Variants in GABRA4 observed in about 807,000 individuals in gnomAD.
GABRA4 encodes the protein gamma-aminobutyric acid receptor subunit alpha-4.
A neutral mutation model predicts 49.7 loss-of-function variants in GABRA4; 12 were observed. The observed-to-expected ratio is 0.24, with a 90% CI of 0.15 to 0.39. GABRA4 has a LOEUF of 0.39. Ranked by LOEUF, GABRA4 falls within the 10% of genes least tolerant of loss-of-function variation. The pLI, the probability that GABRA4 is intolerant of heterozygous loss-of-function variation, is 1.00. For synonymous variants in GABRA4, 288 were observed against 240.2 expected, an observed-to-expected ratio of 1.20 and a Z score of -1.84; for missense variants, 506 against 686.0, an observed-to-expected ratio of 0.74 and a Z score of 2.93.
chr4:46,941,093 TC>T (rs2109347569), intron 8 of GABRA4, among the ~76,000 whole-genome samples: 1 of 151,936 alleles, frequency 6.6e-6, no homozygotes, highest in Non-Finnish European at 1.5e-5. Context: ...AAATGGCTCA[TC>T]AGCACATTAA....
In GABRA4 at chr4:46,928,214, T is replaced by C. The variant is rs752770273; in HGVS notation, c.*11A>G. Reference sequence around the variant, plus strand: ...TTCATCATCTTTTAGCAAACTACTATAGCAACGAAATTACATTAGACTTTC... The same window carrying C: ...TTCATCATCTTTTAGCAAACTACTACAGCAACGAAATTACATTAGACTTTC... On this transcript the variant is annotated 3_prime_UTR_variant, in exon 9 of 9. Coordinates refer to ENST00000264318, the MANE Select transcript of GABRA4 (RefSeq NM_000809.4). 126 of 1,591,046 alleles carry C rather than the reference T, an allele frequency of 7.9e-5. No individual in the cohort carries two copies. Among genetic ancestry groups the C allele is most frequent in the Non-Finnish European group, 1.0e-4 (118 of 1,167,414 alleles).
At chr4:46,966,868 A>G (rs1722770368) in intron 7 of GABRA4, among the ~76,000 whole-genome samples, 2 of 151,760 alleles carry the variant, frequency 1.3e-5, no homozygotes, top group Non-Finnish European at 1.5e-5. Flanking sequence ...TCTAAAATAG[A>G]TTATAAAATG....
At position 46,977,140 on chromosome 4, in the gene GABRA4, G is replaced by C; in HGVS notation, c.498C>G (p.Leu166=). The change falls in exon 5 of 9, where the codon CTC becomes CTG. Residue 166 remains leucine, a synonymous_variant. Transcript: ENST00000264318. ...RNGTILYTMR[L]TISAECPMRL... is the part of the protein sequence containing the mutation. Reference sequence around the variant, plus strand: ...TCATGGGACACTCCGCACTTATGGTGAGTCTATGATGAAAAATGCAATTAA... The same window carrying C: ...TCATGGGACACTCCGCACTTATGGTCAGTCTATGATGAAAAATGCAATTAA... 1 of 1,597,740 alleles carries C rather than the reference G, an allele frequency of 6.3e-7. No individual in the cohort carries two copies. The highest frequency in any genetic ancestry group is 8.6e-7 in the Non-Finnish European group (1 of 1,167,948).
intron 8 of GABRA4, among the ~76,000 whole-genome samples, chr4:46,960,028 T>C (rs1423424693): frequency 6.6e-6 from 1 of 151,072 alleles, no homozygotes; most frequent in Admixed American, 6.6e-5. Flanking sequence ...ACTAGTGATA[T>C]ACAAATATGA....
At position 46,934,558 on chromosome 4, in the gene GABRA4, A is replaced by G. The variant is rs185129485; in HGVS notation, c.1135-5803T>C. 1.8e-4 allele frequency among the ~76,000 whole-genome samples: 27 copies of G among 152,332 alleles called. 1 individual carries two copies. In the East Asian group the frequency reaches 3.5e-3, roughly 20 times the overall value. ...CCTCCCAATGTTGGCATTTAATTCA[A>G]TGTTTGTATTTCCATAAGTTACAGA... On this transcript the variant is annotated intron_variant, in intron 8 of 8. Transcript: ENST00000264318.
At chr4:46,987,255 A>G (rs1723575014) in intron 2 of GABRA4, among the ~76,000 whole-genome samples, 1 of 152,042 alleles carries the variant, frequency 6.6e-6, no homozygotes, top group African/African-American at 2.4e-5. Flanking sequence ...TGCACTTAGA[A>G]TTCCTTCTCA....
chr4:46,947,868 G>C (rs1722034045), intron 8 of GABRA4, among the ~76,000 whole-genome samples: 1 of 152,016 alleles, frequency 6.6e-6, no homozygotes, highest in Non-Finnish European at 1.5e-5. Flanking sequence ...AGGGTTTGGA[G>C]GCTGGCTGGA....
At chr4:46,990,164 A>G (rs1007581666) in intron 2 of GABRA4, among the ~76,000 whole-genome samples, 2 of 152,226 alleles carry the variant, frequency 1.3e-5, no homozygotes, top group African/African-American at 4.8e-5. Context: ...TATTTAGTAA[A>G]TGTTTAAATG....
At chr4:46,940,486 G>A (rs141978575) in intron 8 of GABRA4, among the ~76,000 whole-genome samples, 27 of 152,234 alleles carry the variant, frequency 1.8e-4, no homozygotes, top group Non-Finnish European at 2.9e-4. Context: ...TGTAGCAGAA[G>A]AGGATTCATT....
chr4:46,959,304 C>A (rs1722476260), intron 8 of GABRA4, among the ~76,000 whole-genome samples: 1 of 151,890 alleles, frequency 6.6e-6, no homozygotes, highest in Admixed American at 6.6e-5. Context: ...GTCTTTAGAC[C>A]ACAGATAGTC....
At chr4:46,942,135 T>C (rs1372547789) in intron 8 of GABRA4, among the ~76,000 whole-genome samples, 1 of 152,160 alleles carries the variant, frequency 6.6e-6, no homozygotes, top group Non-Finnish European at 1.5e-5. Flanking sequence ...TGAGTACCTA[T>C]TTATGTTCCA....
intron 8 of GABRA4, among the ~76,000 whole-genome samples, chr4:46,930,077 C>T (rs1242681259): frequency 2.0e-5 from 3 of 151,996 alleles, no homozygotes; most frequent in Admixed American, 1.3e-4. Flanking sequence ...ACTTCAAGGT[C>T]GCTGAGTAGA....
In GABRA4 at chr4:46,928,021, T is replaced by TAAAAAA; in HGVS notation, c.*203_*204insTTTTTT. 3.1e-5 allele frequency: 15 copies of TAAAAAA among 491,238 alleles called. No homozygotes were observed. Among genetic ancestry groups the TAAAAAA allele is most frequent in the South Asian group, 1.8e-4 (6 of 33,078 alleles). The allele number at this position is 491,238 out of a possible 1,614,324, so 30.4% of individuals were successfully genotyped here. ...CTATCTAACTGAATGCTGAGTTCTT[T>TAAAAAA]TAAAATAATTTTTCTGAAAAAAAAC... On this transcript the variant is annotated 3_prime_UTR_variant, in exon 9 of 9. Coordinates refer to ENST00000264318, the MANE Select transcript of GABRA4 (RefSeq NM_000809.4).
chr4:46,968,563 A>T (rs145909781), intron 7 of GABRA4, among the ~76,000 whole-genome samples: 1 of 151,754 alleles, frequency 6.6e-6, no homozygotes, highest in East Asian at 1.9e-4. Flanking sequence ...GTTTCTTAAT[A>T]TGTTTGAGTC....
In GABRA4 at chr4:46,985,397, TA is replaced by T. The variant is rs146956342; in HGVS notation, c.206-6300del. ...TGGTTGGTGGTTTAACTGGTATGTT[TA>T]TTATATTTTAATAAATGATTGAATA... is the stretch of plus-strand genomic sequence containing the variant. On this transcript the variant is annotated intron_variant, in intron 2 of 8. Coordinates refer to ENST00000264318, the MANE Select transcript of GABRA4 (RefSeq NM_000809.4). Among the ~76,000 whole-genome samples, 40 of 152,110 alleles carry T rather than the reference TA, an allele frequency of 2.6e-4. No homozygotes were observed. The East Asian group carries it at 7.3e-3, about 28-fold the overall frequency.
At chr4:46,990,795 G>A (rs1723715712) in intron 2 of GABRA4, among the ~76,000 whole-genome samples, 1 of 152,172 alleles carries the variant, frequency 6.6e-6, no homozygotes, top group Admixed American at 6.5e-5. Context: ...TTTGCATGAA[G>A]GCAAATGCAG....
At chr4:46,974,433 G>T in intron 5 of GABRA4, 58 bp from the exon 6 acceptor site, 1 of 1,483,256 alleles carries the variant, frequency 6.7e-7, no homozygotes, top group African/African-American at 1.4e-5. Context: ...CCACATCAGT[G>T]GTCAACACTT....
At chr4:46,970,996 G>A in intron 7 of GABRA4, 87 bp downstream of exon 7, 3 of 1,242,670 alleles carry the variant, frequency 2.4e-6, no homozygotes, top group Non-Finnish European at 3.4e-6. Context: ...TGATGTATTA[G>A]GGTTTAAGAT....
rs372549095 is a variant in GABRA4, at chr4:46,927,825, A to G, written c.*400T>C. The G allele has an allele frequency of 9.0e-5, 15 of 165,902 alleles. No homozygotes were observed. The East Asian group carries it at 2.6e-3, about 29-fold the overall frequency. 10.3% of individuals were successfully genotyped at this position (165,902 alleles called of 1,614,324 possible). A position where few individuals can be genotyped will look rare whatever the true frequency, so the allele number is the denominator to read the frequency against. On this transcript the variant is annotated 3_prime_UTR_variant, in exon 9 of 9. Coordinates refer to ENST00000264318, the MANE Select transcript of GABRA4 (RefSeq NM_000809.4). ...TCACTGCATATGACATCTAATAAAC[A>G]ATTCTGGTTAAGGGTAGTGCCACTG...
Sources: gnomAD v4.1 joint callset for allele counts (sites outside exome capture counted in the v4.1 genomes callset) on GRCh38, gnomAD v4.1.1 for gene constraint, MANE v1.5 for transcripts, NCBI Gene and HGNC (gene_info 2026-07-23, HGNC 2026-07-21) for gene names.